IQGAP2: variants seen among roughly 807,000 people sequenced by gnomAD.
The protein encoded by IQGAP2 is ras GTPase-activating-like protein IQGAP2.
IQGAP2 carries 173 observed loss-of-function variants against 201.3 expected under a neutral mutation model. The ratio of observed to expected loss-of-function variants is 0.86; its 90% CI spans 0.76 to 0.98. IQGAP2 has a LOEUF of 0.98. IQGAP2 is among the 50% of genes least tolerant of loss of function. IQGAP2 has a pLI of 0.00. For synonymous variants in IQGAP2, 675 were observed against 673.9 expected (o/e 1.00, Z -0.03); for missense variants, 1,687 against 1,864.8 (o/e 0.90, Z 1.76).
At chr5:76,700,211 C>G (rs1164501516) in intron 33 of IQGAP2, among the ~76,000 whole-genome samples, 1 of 152,132 alleles carries the variant, frequency 6.6e-6, no homozygotes, top group Non-Finnish European at 1.5e-5. Flanking sequence ...GATTTGGGTT[C>G]TGATTCTCTC....
At chr5:76,561,286 A>G (rs1580460412) in intron 2 of IQGAP2, among the ~76,000 whole-genome samples, 2 of 152,334 alleles carry the variant, frequency 1.3e-5, no homozygotes, top group East Asian at 3.9e-4. Context: ...ATGGTCAGTA[A>G]TAACCACTTA....
intron 3 of IQGAP2, among the ~76,000 whole-genome samples, 165 bp downstream of exon 3, chr5:76,562,717 A>T (rs1283986599): frequency 6.6e-6 from 1 of 152,176 alleles, no homozygotes; most frequent in Non-Finnish European, 1.5e-5. Context: ...AGTTTTAAAA[A>T]GCAAAGTGTT....
chr5:76,695,357 A>G, intron 31 of IQGAP2, 97 bp from the exon 32 acceptor site: 9 of 981,152 alleles, frequency 9.2e-6, no homozygotes, highest in Non-Finnish European at 1.4e-5. Flanking sequence ...TGGCTGGAGG[A>G]CTACTTTCAT....
At position 76,617,915 on chromosome 5, in the gene IQGAP2, G is replaced by C. The variant is rs781237647; in HGVS notation, c.1521+6732G>C. ...TTAAGAATCCAAAGAATGCCAAGGA[G>C]ATGAAGTAATAGAGTTGGAAGGGAG... is the stretch of plus-strand genomic sequence containing the variant. On this transcript the variant is annotated intron_variant, in intron 13 of 35. Transcript: ENST00000274364. 25 of 1,614,030 alleles carry C rather than the reference G, an allele frequency of 1.5e-5. 1 individual carries two copies. The highest frequency in any genetic ancestry group is 1.0e-4 in the Admixed American group (6 of 60,000).
intron 2 of IQGAP2, among the ~76,000 whole-genome samples, chr5:76,550,660 G>C (rs1309974153): frequency 1.3e-5 from 2 of 152,178 alleles, no homozygotes; most frequent in Non-Finnish European, 2.9e-5. Flanking sequence ...CAGAGAGCAC[G>C]GGGTTGGGGG....
intron 8 of IQGAP2, 102 bp downstream of exon 8, chr5:76,590,688 A>AT: frequency 1.2e-6 from 1 of 848,464 alleles, no homozygotes. Context: ...TCAATTGGCT[A>AT]TTTTCTCTAT....
chr5:76,514,011 CTTTTTTTTTTT>C (rs70982619), intron 2 of IQGAP2, among the ~76,000 whole-genome samples: 2 of 65,084 alleles, frequency 3.1e-5, no homozygotes, highest in African/African-American at 1.4e-4. Flanking sequence ...TATTTGTTGC[CTTTTTTTTTTT>C]TTTTTTTTTT....
Position 76,606,191 on chromosome 5 carries a change from A to G in IQGAP2, c.1245A>G (p.Thr415=). 6.2e-7 allele frequency: 1 copy of G among 1,601,806 alleles called. No individual in the cohort carries two copies. The highest frequency in any genetic ancestry group is 8.5e-7 in the Non-Finnish European group (1 of 1,174,084). ...DKAYVERYAN[T]LLSVKLEVLS... ...TTCTCTTCCACAGTTATGCAAACAC[A>G]CTACTCTCTGTTAAACTAGAAGTTT... Residue 415 remains threonine (T), a synonymous_variant, in exon 12 of 36, where the codon ACA becomes ACG. Transcript: ENST00000274364.
intron 1 of IQGAP2, among the ~76,000 whole-genome samples, chr5:76,424,881 A>G (rs1751912471): frequency 6.6e-6 from 1 of 152,206 alleles, no homozygotes; most frequent in Non-Finnish European, 1.5e-5. Context: ...AAGCACTCTC[A>G]CAGAGAGAGT....
chr5:76,611,993 C>G (rs1014103101), intron 13 of IQGAP2, among the ~76,000 whole-genome samples: 2 of 152,116 alleles, frequency 1.3e-5, no homozygotes, highest in African/African-American at 4.8e-5. Context: ...CTGCCTCATT[C>G]GAAACAGGAA....
intron 1 of IQGAP2, among the ~76,000 whole-genome samples, chr5:76,455,470 AAAAAAG>A (rs1460366037): frequency 6.6e-6 from 1 of 151,668 alleles, no homozygotes; most frequent in Non-Finnish European, 1.5e-5. Context: ...AAAAAAAAAA[AAAAAAG>A]AGAACAAACA....
chr5:76,584,090 C>T lies in IQGAP2; in HGVS notation c.459-4816C>T, dbSNP rs901061315. ...GTTTCACCATGTTGACCAGGCTGGT[C>T]TCGAACTCCTGACCTCAAATGATCG... is the stretch of plus-strand genomic sequence containing the variant. On this transcript the variant is annotated intron_variant, in intron 5 of 35. Transcript: ENST00000274364. Among the ~76,000 whole-genome samples, 7 of 152,118 alleles carry T rather than the reference C, an allele frequency of 4.6e-5. No homozygotes were observed. In the South Asian group the frequency reaches 6.2e-4, roughly 14 times the overall value.
chr5:76,542,880 G>A (rs1304250127), intron 2 of IQGAP2, among the ~76,000 whole-genome samples: 1 of 152,188 alleles, frequency 6.6e-6, no homozygotes, highest in Non-Finnish European at 1.5e-5. Context: ...CACTGTTTAC[G>A]TTATAGAGAA....
rs74328382 is a variant in IQGAP2, at chr5:76,570,151, T to C, written c.304-429T>C. Among the ~76,000 whole-genome samples the C allele has an allele frequency of 2.3e-3, 356 of 152,220 alleles. 2 individuals are homozygous for C. The highest frequency in any genetic ancestry group is 8.1e-3 in the African/African-American group (338 of 41,534). Reference sequence around the variant, plus strand: ...TCTGCAGAAATATTCTATTCATGATTAGAACAAAAAAAAATGTAGTCTTCT... The same window carrying C: ...TCTGCAGAAATATTCTATTCATGATCAGAACAAAAAAAAATGTAGTCTTCT... On this transcript the variant is annotated intron_variant, in intron 3 of 35. Transcript: ENST00000274364.
At chr5:76,590,823 A>T (rs935617465) in intron 8 of IQGAP2, among the ~76,000 whole-genome samples, 2 of 152,210 alleles carry the variant, frequency 1.3e-5, no homozygotes, top group South Asian at 4.1e-4. Flanking sequence ...ATGGTGGCTC[A>T]TGCCTATAAT....
intron 35 of IQGAP2, among the ~76,000 whole-genome samples, chr5:76,705,412 G>C (rs1747788021): frequency 1.3e-5 from 2 of 152,152 alleles, no homozygotes; most frequent in South Asian, 4.1e-4. Context: ...GATAGCAAAT[G>C]GCAGAGCTAA....
At chr5:76,525,695 A>C (rs1580381821) in intron 2 of IQGAP2, among the ~76,000 whole-genome samples, 2 of 152,238 alleles carry the variant, frequency 1.3e-5, no homozygotes, top group Admixed American at 1.3e-4. Flanking sequence ...GCATAAAATA[A>C]GCTGGACTAC....
At chr5:76,500,890 G>A (rs1757235308) in intron 2 of IQGAP2, among the ~76,000 whole-genome samples, 1 of 152,142 alleles carries the variant, frequency 6.6e-6, no homozygotes, top group South Asian at 2.1e-4. Context: ...TTTTACAGAT[G>A]TGAAACCTAC....
intron 2 of IQGAP2, among the ~76,000 whole-genome samples, chr5:76,496,048 T>A (rs1289510107): frequency 1.3e-5 from 2 of 152,174 alleles, no homozygotes; most frequent in Admixed American, 6.5e-5. Flanking sequence ...TGGCTCTTCT[T>A]ATGAAGAGCA....
Sources: allele counts gnomAD v4.1 joint callset (sites outside exome capture counted in the v4.1 genomes callset), GRCh38; gene constraint gnomAD v4.1.1; transcripts MANE v1.5; gene names NCBI Gene and HGNC (gene_info 2026-07-23, HGNC 2026-07-21).